CCDC192: variants seen among roughly 807,000 people sequenced by gnomAD.
CCDC192 encodes the protein coiled-coil domain-containing protein 192.
chr5:127,900,357 C>A (rs1196932438), intron 6 of CCDC192, among the ~76,000 whole-genome samples: 1 of 152,174 alleles, frequency 6.6e-6, no homozygotes, highest in Non-Finnish European at 1.5e-5. Flanking sequence ...CTATTAATTA[C>A]AAGCAAGTCA....
chr5:127,743,879 G>A (rs897918912), intron 2 of CCDC192, among the ~76,000 whole-genome samples: 5 of 151,800 alleles, frequency 3.3e-5, no homozygotes, highest in South Asian at 2.1e-4. Flanking sequence ...TCACGAGGTC[G>A]GGAGATCGAG....
chr5:127,932,758 A>G (rs1755181112), intron 6 of CCDC192, among the ~76,000 whole-genome samples: 1 of 152,208 alleles, frequency 6.6e-6, no homozygotes, highest in Admixed American at 6.5e-5. Flanking sequence ...AAAACAATAA[A>G]AAAGCTCTGC....
intron 3 of CCDC192, among the ~76,000 whole-genome samples, chr5:127,766,310 A>G (rs1755220814): frequency 1.3e-5 from 2 of 152,144 alleles, no homozygotes; most frequent in South Asian, 2.1e-4. Context: ...AGAATGACTG[A>G]TTACACAGAG....
intron 5 of CCDC192, among the ~76,000 whole-genome samples, chr5:127,831,110 A>G (rs1180956209): frequency 1.3e-5 from 2 of 152,280 alleles, no homozygotes; most frequent in East Asian, 1.9e-4. Flanking sequence ...TAAGTACTGG[A>G]GACATTCTAA....
chr5:127,817,810 C>T (rs1749093329), intron 5 of CCDC192, among the ~76,000 whole-genome samples: 1 of 151,972 alleles, frequency 6.6e-6, no homozygotes, highest in African/African-American at 2.4e-5. Context: ...AATTATTTCC[C>T]AAAGAATCTA....
At chr5:127,794,049 C>G (rs1373114352) in intron 3 of CCDC192, among the ~76,000 whole-genome samples, 2 of 152,198 alleles carry the variant, frequency 1.3e-5, no homozygotes, top group Admixed American at 6.5e-5. Context: ...TGTGGGATAG[C>G]TGTAGTAGCA....
intron 5 of CCDC192, among the ~76,000 whole-genome samples, chr5:127,846,359 T>A (rs1044788028): frequency 2.0e-5 from 3 of 152,074 alleles, no homozygotes; most frequent in African/African-American, 7.2e-5. Flanking sequence ...CTTGACCTCT[T>A]ACAGGCATCT....
chr5:127,853,184 C>T (rs574701745), intron 5 of CCDC192, among the ~76,000 whole-genome samples: 5 of 152,294 alleles, frequency 3.3e-5, no homozygotes, highest in South Asian at 2.1e-4. Flanking sequence ...ACCAAGTTAA[C>T]ACCAGTGGAA....
chr5:127,706,195 GTGGGATAGAAAATAATAAAAGTACCT>G (rs1290097356), intron 1 of CCDC192, among the ~76,000 whole-genome samples: 5 of 152,166 alleles, frequency 3.3e-5, no homozygotes, highest in Admixed American at 1.3e-4. Flanking sequence ...GAGGAAGATA[GTGGGATAGAAAATAATAAAAGTACCT>G]TGGGATTTAA....
At chr5:127,878,166 A>G (rs1388140579) in intron 6 of CCDC192, among the ~76,000 whole-genome samples, 1 of 152,244 alleles carries the variant, frequency 6.6e-6, no homozygotes, top group Non-Finnish European at 1.5e-5. Context: ...ACAAGCAGCT[A>G]TGGGCTGCCC....
At chr5:127,905,399 T>G (rs1753167938) in intron 6 of CCDC192, among the ~76,000 whole-genome samples, 1 of 152,216 alleles carries the variant, frequency 6.6e-6, no homozygotes, top group South Asian at 2.1e-4. Flanking sequence ...GACTATTCCC[T>G]TTATTTGTGG....
intron 6 of CCDC192, among the ~76,000 whole-genome samples, chr5:127,883,524 T>G (rs1457345562): frequency 6.6e-6 from 1 of 152,230 alleles, no homozygotes; most frequent in South Asian, 2.1e-4. Flanking sequence ...CTGTTAGTTA[T>G]CTCTTCCTTT....
intron 2 of CCDC192, among the ~76,000 whole-genome samples, chr5:127,740,926 G>A (rs1193654995): frequency 1.3e-5 from 2 of 152,126 alleles, no homozygotes; most frequent in Non-Finnish European, 2.9e-5. Flanking sequence ...TGCATGATGA[G>A]TGAGAAAATA....
At chr5:127,824,309 G>A (rs1038957563) in intron 5 of CCDC192, among the ~76,000 whole-genome samples, 2 of 152,166 alleles carry the variant, frequency 1.3e-5, no homozygotes, top group African/African-American at 2.4e-5. Flanking sequence ...GAAAGGTACC[G>A]GAATTGCTCA....
intron 3 of CCDC192, among the ~76,000 whole-genome samples, chr5:127,794,327 C>T (rs1757043959): frequency 6.6e-6 from 1 of 152,114 alleles, no homozygotes; most frequent in Admixed American, 6.5e-5. Context: ...ACTTGAACTC[C>T]AGAACTTACT....
At chr5:127,856,918 T>C (rs1751125117) in intron 5 of CCDC192, among the ~76,000 whole-genome samples, 1 of 152,164 alleles carries the variant, frequency 6.6e-6, no homozygotes, top group South Asian at 2.1e-4. Flanking sequence ...ATAGTAATGA[T>C]GAAAAGTCTG....
rs1347230573 is a variant in CCDC192 at position 127,934,632 on chromosome 5, GA to G, written c.536-6545del. On this transcript the variant is annotated intron_variant, in intron 6 of 6. Transcript: ENST00000514853. ...ATAGGACTAATTTGATTTTCAAAAAGAAAAATATTTGTACTACAATACAAAA... is the reference window on the plus strand; with the variant it reads ...ATAGGACTAATTTGATTTTCAAAAAGAAAATATTTGTACTACAATACAAAA... Among the ~76,000 whole-genome samples, 3 of 152,066 alleles carry G rather than the reference GA, an allele frequency of 2.0e-5. No individual in the cohort carries two copies. In the East Asian group the frequency reaches 5.8e-4, roughly 29 times the overall value.
At chr5:127,894,846 T>C (rs1752834047) in intron 6 of CCDC192, among the ~76,000 whole-genome samples, 1 of 152,250 alleles carries the variant, frequency 6.6e-6, no homozygotes, top group East Asian at 1.9e-4. Context: ...AATTGTTCCT[T>C]AAAGTATTTG....
chr5:127,734,769 G>A (rs1229820124), intron 2 of CCDC192, among the ~76,000 whole-genome samples: 2 of 150,702 alleles, frequency 1.3e-5, no homozygotes, highest in Non-Finnish European at 2.9e-5. Flanking sequence ...CTTTTTGATG[G>A]GGTTGTTTGT....
Sources: allele counts gnomAD v4.1 joint callset (sites outside exome capture counted in the v4.1 genomes callset), GRCh38; gene constraint gnomAD v4.1.1; transcripts MANE v1.5; gene names NCBI Gene and HGNC (gene_info 2026-07-23, HGNC 2026-07-21).